Variants in LRRN2 observed in about 807,000 individuals in gnomAD.
LRRN2 encodes the protein leucine-rich repeat neuronal protein 2.
A neutral mutation model predicts 35.7 loss-of-function variants in LRRN2; 10 were observed. The ratio of observed to expected loss-of-function variants is 0.28; its 90% confidence interval spans 0.17 to 0.47. The LOEUF is 0.47. Among genes scored for constraint, LRRN2 ranks in the 20% least tolerant of loss-of-function variants. LRRN2 has a pLI of 0.99. For missense variants in LRRN2, 731 were observed against 940.3 expected (o/e 0.78, Z 2.91); for synonymous variants, 391 against 409.6 (o/e 0.95, Z 0.55).
intron 1 of LRRN2, among the ~76,000 whole-genome samples, chr1:204,656,141 C>T (rs1346029344): frequency 6.6e-6 from 1 of 151,832 alleles, no homozygotes; most frequent in Non-Finnish European, 1.5e-5. Flanking sequence ...GATCTCCTGA[C>T]CTCATGATCT....
At chr1:204,676,398 T>C (rs1249894749) in intron 1 of LRRN2, among the ~76,000 whole-genome samples, 2 of 152,068 alleles carry the variant, frequency 1.3e-5, no homozygotes, top group African/African-American at 2.4e-5. Flanking sequence ...TGCTAGCAAC[T>C]TTCCAGGCCC....
In LRRN2 at chr1:204,618,195, C is replaced by A. The variant is rs1666512023; in HGVS notation, c.1798G>T (p.Ala600Ser). The change falls in exon 2 of 2, where the codon GCC (alanine) becomes TCC (serine). Residue 600 changes from alanine (A) to serine (S), a missense_variant. This residue lies in a region of LRRN2 where 229 missense variants were observed against 258.4 expected (regional missense o/e 0.89). Coordinates refer to ENST00000367177, the MANE Select transcript of LRRN2 (RefSeq NM_201630.2). ...ATEYWACLQV[A>S]FADAHTQLAC... The stretch of plus-strand genomic sequence containing the variant: ...AACTGGGTGTGGGCATCAGCAAAGG[C>A]CACTTGCAGGCAGGCCCAGTACTCC... The A allele has an allele frequency of 6.2e-7, 1 of 1,614,146 alleles. No individual in the cohort carries two copies. Among genetic ancestry groups the A allele is most frequent in the East Asian group, 2.2e-5 (1 of 44,878 alleles).
At chr1:204,633,287 C>T (rs2102595301) in intron 1 of LRRN2, 1 of 152,198 alleles carries the variant, frequency 6.6e-6, no homozygotes, top group East Asian at 1.9e-4. Context: ...ATTACCCATT[C>T]TGTGGTATTC....
At chr1:204,637,316 C>A (rs1195312387) in intron 1 of LRRN2, among the ~76,000 whole-genome samples, 2 of 152,210 alleles carry the variant, frequency 1.3e-5, no homozygotes, top group East Asian at 3.9e-4. Context: ...CAGATCTAGC[C>A]CAATGCTTTC....
intron 1 of LRRN2, among the ~76,000 whole-genome samples, chr1:204,641,275 CATCTT>C (rs1667970574): frequency 6.6e-6 from 1 of 152,206 alleles, no homozygotes; most frequent in Non-Finnish European, 1.5e-5. Context: ...TAATCCTCCT[CATCTT>C]TTCTTTTAAA....
At chr1:204,648,942 T>C (rs1269998125) in intron 1 of LRRN2, among the ~76,000 whole-genome samples, 1 of 151,950 alleles carries the variant, frequency 6.6e-6, no homozygotes, top group Non-Finnish European at 1.5e-5. Flanking sequence ...CACTGGCACA[T>C]GGAGGGAGAG....
chr1:204,664,273 C>T (rs986864182), intron 1 of LRRN2: 1 of 152,536 alleles, frequency 6.6e-6, no homozygotes, highest in African/African-American at 2.4e-5. Flanking sequence ...TCAACCAGTC[C>T]TCTCTGCTGC....
intron 1 of LRRN2, chr1:204,620,646 T>C (rs1666824321): frequency 5.9e-6 from 1 of 170,332 alleles, no homozygotes; most frequent in African/African-American, 2.4e-5. Flanking sequence ...CTTAAGGCTT[T>C]AGTGTCCTTT....
chr1:204,644,772 C>T (rs978461123), intron 1 of LRRN2, among the ~76,000 whole-genome samples: 1 of 152,214 alleles, frequency 6.6e-6, no homozygotes, highest in Admixed American at 6.5e-5. Context: ...TGCACATGGT[C>T]AGTGCTCAAT....
chr1:204,618,122 G>A lies in LRRN2; in HGVS notation c.1871C>T (p.Ala624Val). The change falls in exon 2 of 2, where the codon GCC becomes GTC. Residue 624 changes from alanine to valine, a missense_variant. Physicochemically the swap from Ala to Val is moderately conservative, Grantham distance 64. Transcript: ENST00000367177. ...AATGAGCCCAGGACGGTCCCCTAAG[G>A]CTCTGTGGCAAGAAGTGGCCTCTTT... is the stretch of plus-strand genomic sequence containing the variant. ...RTKEATSCHR[A>V]LGDRPGLIAI... The A allele has an allele frequency of 6.2e-7, 1 of 1,614,092 alleles. No homozygotes were observed. The highest frequency in any genetic ancestry group is 8.5e-7 in the Non-Finnish European group (1 of 1,179,960).
chr1:204,635,242 C>T (rs902012050), intron 1 of LRRN2, among the ~76,000 whole-genome samples: 4 of 152,042 alleles, frequency 2.6e-5, no homozygotes, highest in Non-Finnish European at 5.9e-5. Context: ...AAAATAAAAG[C>T]GTTGGACAAT....
intron 1 of LRRN2, among the ~76,000 whole-genome samples, chr1:204,638,764 A>G (rs1340385722): frequency 6.6e-6 from 1 of 152,210 alleles, no homozygotes; most frequent in Non-Finnish European, 1.5e-5. Context: ...CCAAGAGGCC[A>G]TGTGGAGATC....
chr1:204,619,722 A>G lies in LRRN2; in HGVS notation c.271T>C (p.Tyr91His). The G allele has an allele frequency of 6.2e-7, 1 of 1,614,196 alleles. No homozygotes were observed. The highest frequency in any genetic ancestry group is 8.5e-7 in the Non-Finnish European group (1 of 1,180,004). Residue 91 changes from tyrosine to histidine, a missense_variant, in exon 2 of 2, where the codon TAC becomes CAC. Physicochemically the swap from Tyr to His is moderately conservative, Grantham distance 83. Coordinates refer to ENST00000367177, the MANE Select transcript of LRRN2 (RefSeq NM_201630.2). ...IVRVDQSELGYLANLTELDLS... is the reference protein window; with the variant it reads ...IVRVDQSELGHLANLTELDLS... ...TCCAGCTCTGTGAGATTGGCCAGGT[A>G]GCCCAGCTCACTCTGGTCCACACGG...
At chr1:204,670,816 T>TG (rs1185621999) in intron 1 of LRRN2, among the ~76,000 whole-genome samples, 1 of 151,734 alleles carries the variant, frequency 6.6e-6, no homozygotes, top group Non-Finnish European at 1.5e-5. Flanking sequence ...AGCAGAGTGA[T>TG]GGGGGAGGAA....
chr1:204,651,600 C>A (rs1233215413), intron 1 of LRRN2, among the ~76,000 whole-genome samples: 1 of 152,058 alleles, frequency 6.6e-6, no homozygotes, highest in Non-Finnish European at 1.5e-5. Flanking sequence ...AGTCCTGCAT[C>A]CCCCCAAAAC....
chr1:204,650,366 G>T (rs1025226080), intron 1 of LRRN2, among the ~76,000 whole-genome samples: 1 of 152,180 alleles, frequency 6.6e-6, no homozygotes, highest in Non-Finnish European at 1.5e-5. Context: ...TGAACCCAGC[G>T]CAGGCCAGAC....
At chr1:204,628,549 C>T (rs763116918) in intron 1 of LRRN2, 1 of 152,266 alleles carries the variant, frequency 6.6e-6, no homozygotes, top group Non-Finnish European at 1.5e-5. Context: ...GTTGGAGGCA[C>T]ATTTCCCTGG....
At chr1:204,677,251 C>T (rs894253067) in intron 1 of LRRN2, among the ~76,000 whole-genome samples, 10 of 152,212 alleles carry the variant, frequency 6.6e-5, no homozygotes, top group African/African-American at 2.4e-4. Context: ...GGGTCAGCCT[C>T]TGCGTCTTCC....
In LRRN2 at chr1:204,631,262, ATATATAT is replaced by A. The variant is rs1273676168; in HGVS notation, c.-226-11051_-226-11045del. ...GAGTGATACCTAGAGTGTTCTATATATATATATATATATATATATATATATATATATA... is the reference window on the plus strand; with the variant it reads ...GAGTGATACCTAGAGTGTTCTATATAATATATATATATATATATATATATA... On this transcript the variant is annotated intron_variant, in intron 1 of 1. Coordinates refer to ENST00000367177, the MANE Select transcript of LRRN2 (RefSeq NM_201630.2). Among the ~76,000 whole-genome samples, 164 of 37,888 alleles carry A rather than the reference ATATATAT, an allele frequency of 4.3e-3. 14 individuals carry two copies. Among genetic ancestry groups the A allele is most frequent in the East Asian group, 0.011 (13 of 1,230 alleles). The allele number at this position is 37,888 out of a possible 152,430, so 24.9% of individuals were successfully genotyped here.
Sources: gnomAD v4.1 joint callset for allele counts (sites outside exome capture counted in the v4.1 genomes callset) on GRCh38, gnomAD v4.1.1 for gene constraint, gnomAD v4.1.1 regional missense constraint, MANE v1.5 for transcripts, NCBI Gene and HGNC (gene_info 2026-07-23, HGNC 2026-07-21) for gene names.